The following SNTG1 variants were observed in gnomAD, a reference collection of about 807,000 sequenced individuals.
The protein encoded by SNTG1 is syntrophin gamma 1, also known as gamma-1-syntrophin.
Under a neutral mutation model 74.7 loss-of-function variants are expected in SNTG1, and 39 were observed. The observed-to-expected ratio is 0.52, with a 90% CI of 0.40 to 0.68. The LOEUF (loss-of-function observed/expected upper bound fraction) is 0.68, where lower values mean the gene tolerates loss of function less well. SNTG1 is among the 30% of genes least tolerant of loss of function. SNTG1 has a pLI of 0.00. For synonymous variants in SNTG1, 254 were observed against 217.1 expected (o/e 1.17, Z -1.49); for missense variants, 685 against 609.5 (o/e 1.12, Z -1.30).
chr8:49,955,708 G>T (rs1029917281), intron 1 of SNTG1, among the ~76,000 whole-genome samples: 1 of 152,202 alleles, frequency 6.6e-6, no homozygotes, highest in Non-Finnish European at 1.5e-5. Flanking sequence ...AAAGACAAAG[G>T]CTAAATCTTT....
chr8:50,101,543 T>C (rs185395946), intron 1 of SNTG1, among the ~76,000 whole-genome samples: 4 of 152,072 alleles, frequency 2.6e-5, no homozygotes, highest in Admixed American at 2.6e-4. Context: ...GGGGAGTATA[T>C]TTTCTTATTT....
At chr8:50,631,780 T>G (rs1356809258) in intron 13 of SNTG1, among the ~76,000 whole-genome samples, 4 of 152,174 alleles carry the variant, frequency 2.6e-5, no homozygotes, top group African/African-American at 7.2e-5. Context: ...ACAGTGTGAA[T>G]CTATGGTTTA....
At chr8:50,172,919 C>T (rs375146811) in intron 2 of SNTG1, among the ~76,000 whole-genome samples, 25 of 150,348 alleles carry the variant, frequency 1.7e-4, no homozygotes, top group East Asian at 9.7e-4. Context: ...TGTGTTGTTT[C>T]TTTAATAAGC....
At chr8:50,739,723 A>G (rs1322329531) in intron 17 of SNTG1, among the ~76,000 whole-genome samples, 1 of 151,866 alleles carries the variant, frequency 6.6e-6, no homozygotes, top group East Asian at 1.9e-4. Flanking sequence ...ACTCCATTTG[A>G]TTTTAAACAG....
Position 50,655,422 on chromosome 8 carries a change from A to T in SNTG1, c.850-1487A>T, listed in dbSNP as rs955266328. ...GCTGGTTCTTATTATGTTATTATTA[A>T]CCAGTGAAGTCTCTATGTAATGCAT... On this transcript the variant is annotated intron_variant, in intron 13 of 18. Transcript: ENST00000642720. Among the ~76,000 whole-genome samples, 3 of 152,206 alleles carry T rather than the reference A, an allele frequency of 2.0e-5. No homozygotes were observed. The East Asian group carries it at 5.8e-4, about 29-fold the overall frequency.
At chr8:50,225,753 TTAAG>T (rs1252972047) in intron 2 of SNTG1, among the ~76,000 whole-genome samples, 2 of 152,204 alleles carry the variant, frequency 1.3e-5, no homozygotes, top group African/African-American at 2.4e-5. Flanking sequence ...AAAAGACAAA[TTAAG>T]TAACACATTA....
chr8:50,504,149 T>C (rs920492161), intron 9 of SNTG1, among the ~76,000 whole-genome samples: 1 of 152,166 alleles, frequency 6.6e-6, no homozygotes, highest in Non-Finnish European at 1.5e-5. Flanking sequence ...GCTCCATCCA[T>C]CCATGTCCCT....
Position 50,541,254 on chromosome 8 carries a change from T to TGTGC in SNTG1, c.680+4449_680+4450insCGTG, listed in dbSNP as rs1478989281. ...CACTAAGATTTTACCTGTGTGTGTG[T>TGTGC]GTGTGTGTGTGTGTGTGTGTGTGCA... On this transcript the variant is annotated intron_variant, in intron 11 of 18. Coordinates refer to ENST00000642720, the MANE Select transcript of SNTG1 (RefSeq NM_018967.5). Among the ~76,000 whole-genome samples the TGTGC allele has an allele frequency of 5.3e-5, 8 of 151,768 alleles. No individual in the cohort carries two copies. In the East Asian group the frequency reaches 1.6e-3, roughly 30 times the overall value.
chr8:50,672,554 T>C (rs959590306), intron 15 of SNTG1, among the ~76,000 whole-genome samples: 5 of 152,166 alleles, frequency 3.3e-5, no homozygotes, highest in African/African-American at 4.8e-5. Flanking sequence ...TCTTGTAAAT[T>C]TGTTTAAGTT....
intron 17 of SNTG1, among the ~76,000 whole-genome samples, chr8:50,748,949 T>A (rs576369302): frequency 6.6e-6 from 1 of 152,128 alleles, no homozygotes. Flanking sequence ...ATGGACTTTC[T>A]AAGCATTCAA....
At chr8:50,380,002 G>C (rs1420088907) in intron 2 of SNTG1, among the ~76,000 whole-genome samples, 1 of 152,236 alleles carries the variant, frequency 6.6e-6, no homozygotes, top group Non-Finnish European at 1.5e-5. Flanking sequence ...ACATGCTGAG[G>C]ATGGCAGAGA....
intron 1 of SNTG1, among the ~76,000 whole-genome samples, chr8:50,051,267 C>CACACAA (rs1554559626): frequency 6.6e-6 from 1 of 151,540 alleles, no homozygotes; most frequent in African/African-American, 2.4e-5. Flanking sequence ...CACACACACA[C>CACACAA]ACAAACAAAC....
chr8:50,781,668 T>A (rs1358829610), intron 18 of SNTG1, among the ~76,000 whole-genome samples: 4 of 152,222 alleles, frequency 2.6e-5, no homozygotes, highest in African/African-American at 9.6e-5. Flanking sequence ...AATTTGCCAG[T>A]CTGTGTCTTT....
At chr8:50,747,349 AC>A (rs1445608523) in intron 17 of SNTG1, among the ~76,000 whole-genome samples, 1 of 151,972 alleles carries the variant, frequency 6.6e-6, no homozygotes, top group African/African-American at 2.4e-5. Context: ...ATGGACTTAA[AC>A]TTTTTCTTGA....
chr8:50,722,423 A>C (rs1295751502), intron 17 of SNTG1, among the ~76,000 whole-genome samples: 4 of 151,612 alleles, frequency 2.6e-5, no homozygotes, highest in Non-Finnish European at 4.4e-5. Flanking sequence ...TGATCCTCCC[A>C]CCTCAGCCTC....
intron 2 of SNTG1, among the ~76,000 whole-genome samples, chr8:50,226,637 C>T (rs529615381): frequency 5.5e-4 from 83 of 150,912 alleles, no homozygotes; most frequent in African/African-American, 2.0e-3. Flanking sequence ...AACCAGAAAA[C>T]GTTTAAATTT....
chr8:50,177,559 G>A (rs1354950115), intron 2 of SNTG1, among the ~76,000 whole-genome samples: 1 of 152,184 alleles, frequency 6.6e-6, no homozygotes, highest in Non-Finnish European at 1.5e-5. Flanking sequence ...GGTTTGCTCA[G>A]AGAGGCTGGT....
chr8:50,588,839 T>C (rs2130863552), intron 12 of SNTG1, among the ~76,000 whole-genome samples: 1 of 152,300 alleles, frequency 6.6e-6, no homozygotes, highest in South Asian at 2.1e-4. Flanking sequence ...TGTTCTACTT[T>C]ATTATTTTAT....
At chr8:50,684,711 TTTTTTG>T (rs1344001341) in intron 15 of SNTG1, among the ~76,000 whole-genome samples, 3 of 150,958 alleles carry the variant, frequency 2.0e-5, no homozygotes, top group African/African-American at 7.3e-5. Context: ...ATTTTTCTTT[TTTTTTG>T]TTTTTGTTTT....
Sources: allele counts gnomAD v4.1 joint callset (sites outside exome capture counted in the v4.1 genomes callset), GRCh38; gene constraint gnomAD v4.1.1; transcripts MANE v1.5; gene names NCBI Gene and HGNC (gene_info 2026-07-23, HGNC 2026-07-21).